Variants in NAV2 observed in about 807,000 individuals in gnomAD.
The protein encoded by NAV2 is helicase, APC down-regulated 1.
NAV2 carries 54 observed loss-of-function variants against 223.2 expected under a neutral mutation model. That is an observed-to-expected ratio of 0.24 (90% CI 0.19 to 0.30). NAV2 has a LOEUF of 0.30. NAV2 is among the 10% of genes least tolerant of loss of function. NAV2 has a pLI of 1.00. For missense variants in NAV2, 2,806 were observed against 3,147.5 expected (o/e 0.89, Z 2.60); for synonymous variants, 1,279 against 1,239.3 (o/e 1.03, Z -0.67).
chr11:19,889,310 G>A (rs1327759993), intron 5 of NAV2, among the ~76,000 whole-genome samples: 1 of 152,128 alleles, frequency 6.6e-6, no homozygotes, highest in African/African-American at 2.4e-5. Flanking sequence ...GCTTACTTTG[G>A]AGCAAGCAAC....
At chr11:19,950,498 A>G (rs1268973134) in intron 10 of NAV2, among the ~76,000 whole-genome samples, 2 of 152,272 alleles carry the variant, frequency 1.3e-5, no homozygotes, top group South Asian at 2.1e-4. Flanking sequence ...TTGAAATACT[A>G]CAACTACTAG....
At chr11:20,061,002 A>C (rs1414513672) in intron 19 of NAV2, among the ~76,000 whole-genome samples, 2 of 152,178 alleles carry the variant, frequency 1.3e-5, no homozygotes, top group African/African-American at 2.4e-5. Context: ...TGGGTGGTAG[A>C]TGAATGCCAT....
In NAV2 at chr11:19,601,936, C is replaced by G. The variant is rs569567154; in HGVS notation, c.76-230548C>G. Reference sequence around the variant, plus strand: ...GTCCTGCTCCTCTCTGCATGGCTTCCTTTCTGCACACAATCCTACACTGCC... The same window carrying G: ...GTCCTGCTCCTCTCTGCATGGCTTCGTTTCTGCACACAATCCTACACTGCC... On this transcript the variant is annotated intron_variant, in intron 1 of 37. Coordinates refer to the NAV2 transcript ENST00000360655. Among the ~76,000 whole-genome samples, 21 of 152,304 alleles carry G rather than the reference C, an allele frequency of 1.4e-4. No homozygotes were observed. In the South Asian group the frequency reaches 4.4e-3, roughly 32 times the overall value.
At position 19,701,656 on chromosome 11, in the gene NAV2, G is replaced by T. The variant is rs1459204113; in HGVS notation, c.76-130828G>T. On this transcript the variant is annotated intron_variant, in intron 1 of 37. Coordinates refer to the NAV2 transcript ENST00000360655. ...ATGTGTGTGAATGTCTAAAATTCTT[G>T]TGCAATGTGGAGCTTCAAGAAAGTT... Among the ~76,000 whole-genome samples the T allele has an allele frequency of 3.9e-5, 6 of 152,212 alleles. No homozygotes were observed. The South Asian group carries it at 8.3e-4, about 21-fold the overall frequency.
At chr11:19,972,240 T>A (rs2049312093) in intron 10 of NAV2, among the ~76,000 whole-genome samples, 1 of 152,186 alleles carries the variant, frequency 6.6e-6, no homozygotes, top group African/African-American at 2.4e-5. Flanking sequence ...GGAGATAGGA[T>A]CATTCCTACA....
chr11:19,623,919 A>G (rs1009844599), intron 1 of NAV2, among the ~76,000 whole-genome samples: 48 of 152,122 alleles, frequency 3.2e-4, no homozygotes, highest in Non-Finnish European at 5.9e-4. Flanking sequence ...TTGGTCTTTG[A>G]TGATGGTGAT....
Position 19,944,705 on chromosome 11 carries a change from T to TTTCC in NAV2, c.2147-1673_2147-1670dup, listed in dbSNP as rs369457220. On this transcript the variant is annotated intron_variant, in intron 8 of 37. Transcript: ENST00000349880. Reference sequence around the variant, plus strand: ...TTCTCTTTTCTTTCTTTCTTCCTTCTTTCCTTCCTTCCTTCCTTCCTTCCT... The same window carrying TTTCC: ...TTCTCTTTTCTTTCTTTCTTCCTTCTTTCCTTCCTTCCTTCCTTCCTTCCTTCCT... 7.8e-3 allele frequency among the ~76,000 whole-genome samples: 1,137 copies of TTTCC among 145,262 alleles called. 13 individuals carry two copies. Among genetic ancestry groups the TTTCC allele is most frequent in the African/African-American group, 0.023 (833 of 36,738 alleles).
In NAV2 at chr11:20,012,098, T is replaced by C. The variant is rs548393723; in HGVS notation, c.2769-23861T>C. On this transcript the variant is annotated intron_variant, in intron 11 of 37. Coordinates refer to ENST00000349880, the MANE Select transcript of NAV2 (RefSeq NM_145117.5). ...CATACTTTTTCTATCCGTACTCCAT[T>C]GTTCCTGGTATGGTGTTTGGAAGAA... is the stretch of plus-strand genomic sequence containing the variant. Among the ~76,000 whole-genome samples, 13 of 152,352 alleles carry C rather than the reference T, an allele frequency of 8.5e-5. No homozygotes were observed. The South Asian group carries it at 2.7e-3, about 32-fold the overall frequency.
intron 1 of NAV2, among the ~76,000 whole-genome samples, chr11:19,519,439 G>A (rs931693401): frequency 2.6e-5 from 4 of 152,194 alleles, no homozygotes; most frequent in African/African-American, 9.7e-5. Context: ...TTTTATGGGT[G>A]GAGCAACTGA....
At chr11:19,910,883 AC>A (rs1255376443) in intron 6 of NAV2, among the ~76,000 whole-genome samples, 1 of 152,170 alleles carries the variant, frequency 6.6e-6, no homozygotes, top group Non-Finnish European at 1.5e-5. Context: ...TTAAAAAATA[AC>A]CAAACACCAC....
chr11:19,824,913 A>C (rs1811607617), intron 1 of NAV2, among the ~76,000 whole-genome samples: 1 of 152,132 alleles, frequency 6.6e-6, no homozygotes, highest in Non-Finnish European at 1.5e-5. Flanking sequence ...CAGAATGAAC[A>C]CTCTACTATT....
intron 4 of NAV2, among the ~76,000 whole-genome samples, chr11:19,875,544 G>C (rs2062788032): frequency 6.6e-6 from 1 of 152,196 alleles, no homozygotes; most frequent in South Asian, 2.1e-4. Flanking sequence ...GGGACCATCT[G>C]TATTGCATGA....
At chr11:19,676,513 G>A (rs1477529) in intron 1 of NAV2, among the ~76,000 whole-genome samples, 130,660 of 152,152 alleles carry the variant, frequency 0.86, 57,277 homozygotes, top group Middle Eastern at 0.95. Context: ...AGCAATTTCT[G>A]TGGCATTACG....
At chr11:19,946,655 T>C in intron 9 of NAV2, 146 bp downstream of exon 9, 1 of 717,768 alleles carries the variant, frequency 1.4e-6, no homozygotes, top group Non-Finnish European at 2.4e-6. Context: ...GAATGCCATA[T>C]GACATGCAGA....
intron 1 of NAV2, among the ~76,000 whole-genome samples, chr11:19,522,176 G>C (rs1031240436): frequency 6.6e-6 from 1 of 152,192 alleles, no homozygotes; most frequent in Admixed American, 6.5e-5. Context: ...TGGCTGTGCC[G>C]CTTGGAAGCC....
At chr11:19,910,616 T>C (rs935294743) in intron 6 of NAV2, among the ~76,000 whole-genome samples, 2 of 152,150 alleles carry the variant, frequency 1.3e-5, no homozygotes, top group African/African-American at 4.8e-5. Flanking sequence ...CCTAGCACTT[T>C]GGGAGGCCGA....
intron 1 of NAV2, among the ~76,000 whole-genome samples, chr11:19,375,091 T>C (rs1188287654): frequency 2.6e-5 from 4 of 152,216 alleles, no homozygotes; most frequent in Non-Finnish European, 5.9e-5. Context: ...AATAATGATC[T>C]TATACTTCTG....
chr11:20,068,614 G>A (rs1027818790), intron 22 of NAV2, among the ~76,000 whole-genome samples: 2 of 152,210 alleles, frequency 1.3e-5, no homozygotes, highest in African/African-American at 4.8e-5. Flanking sequence ...GTCCTTATCT[G>A]TGTAACGAGG....
At chr11:19,668,006 C>A (rs896703405) in intron 1 of NAV2, among the ~76,000 whole-genome samples, 14 of 152,262 alleles carry the variant, frequency 9.2e-5, no homozygotes, top group African/African-American at 3.1e-4. Context: ...GCTAAATCCC[C>A]CCAAACTCCC....
Sources: allele counts gnomAD v4.1 joint callset (sites outside exome capture counted in the v4.1 genomes callset), GRCh38; gene constraint gnomAD v4.1.1; transcripts MANE v1.5; gene names NCBI Gene and HGNC (gene_info 2026-07-23, HGNC 2026-07-21).